COL5A1: variants seen among roughly 807,000 people sequenced by gnomAD.
COL5A1 encodes the protein collagen type V alpha 1 chain, also known as collagen alpha-1(V) chain.
COL5A1 carries 16 observed loss-of-function variants against 263.7 expected under a neutral mutation model. That is an observed-to-expected ratio of 0.06 (90% confidence interval 0.04 to 0.09). The LOEUF is 0.09. COL5A1 is among the 10% of genes least tolerant of loss of function. COL5A1 has a pLI of 1.00. For missense variants in COL5A1, 2,036 were observed against 2,540.5 expected, an observed-to-expected ratio of 0.80 and a Z score of 4.27; for synonymous variants, 1,012 against 1,004.5, an observed-to-expected ratio of 1.01 and a Z score of -0.14.
At chr9:134,770,859 C>T (rs759207296) in intron 25 of COL5A1, among the ~76,000 whole-genome samples, 6 of 152,244 alleles carry the variant, frequency 3.9e-5, no homozygotes, top group Non-Finnish European at 7.3e-5. Context: ...TATCTTGTTA[C>T]GTTTCCTTTC....
At position 134,823,424 on chromosome 9, in the gene COL5A1, T is replaced by C. The variant is rs1279241042; in HGVS notation, c.4653T>C (p.Thr1551=). The C allele has an allele frequency of 6.2e-7, 1 of 1,614,222 alleles. No individual in the cohort carries two copies. Among genetic ancestry groups the C allele is most frequent in the Admixed American group, 1.7e-5 (1 of 60,034 alleles). Residue 1551 remains threonine, a synonymous_variant, in exon 61 of 66, where the codon ACT becomes ACC. Transcript: ENST00000371817. ...PKGAKGSSGP[T]GPKGEAGHPG... is the part of the protein sequence containing the mutation. ...CTTTTCTTTCTCCCCAGGGTCCAAC[T>C]GGCCCGAAGGGTGAGGCAGGCCACC...
At chr9:134,658,495 C>T (rs1017353999) in intron 1 of COL5A1, among the ~76,000 whole-genome samples, 2 of 152,194 alleles carry the variant, frequency 1.3e-5, no homozygotes, top group Admixed American at 6.5e-5. Context: ...TGTCCTTGCA[C>T]GCCCTGGGCC....
Position 134,821,923 on chromosome 9 carries a change from C to T in COL5A1, c.4555-174C>T, listed in dbSNP as rs1394588196. Among the ~76,000 whole-genome samples the T allele has an allele frequency of 6.6e-6, 1 of 152,232 alleles. No individual in the cohort carries two copies. The highest frequency in any genetic ancestry group is 1.5e-5 in the Non-Finnish European group (1 of 68,046). On this transcript the variant is annotated intron_variant, in intron 58 of 65. Coordinates refer to ENST00000371817, the MANE Select transcript of COL5A1 (RefSeq NM_000093.5). This position sits in a 1 kb window ranked among gnomAD's most constrained non-coding sequence, Gnocchi z 4.2. ...GTGGATGCTCAGGTCGATGGCTCCC[C>T]TGACATGCACAGCCCAGGATCAGAA...
At position 134,821,900 on chromosome 9, in the gene COL5A1, G is replaced by A. The variant is rs1839017402; in HGVS notation, c.4555-197G>A. Among the ~76,000 whole-genome samples the A allele has an allele frequency of 6.6e-6, 1 of 152,210 alleles. No homozygotes were observed. Among genetic ancestry groups the A allele is most frequent in the South Asian group, 2.1e-4 (1 of 4,832 alleles). On this transcript the variant is annotated intron_variant, in intron 58 of 65. Coordinates refer to ENST00000371817, the MANE Select transcript of COL5A1 (RefSeq NM_000093.5). The surrounding 1 kb of genome is among the most constrained non-coding windows in gnomAD (Gnocchi z 4.2). ...TGCCGAGGGCTGGCAGCCTTGGGGT[G>A]GATGCTCAGGTCGATGGCTCCCCTG...
chr9:134,658,386 C>T (rs1364686847), intron 1 of COL5A1, among the ~76,000 whole-genome samples: 5 of 151,980 alleles, frequency 3.3e-5, no homozygotes, highest in Non-Finnish European at 7.4e-5. Context: ...TTCTGGCTGC[C>T]CGGGTCTCCA....
intron 13 of COL5A1, among the ~76,000 whole-genome samples, chr9:134,752,005 C>T (rs1220194289): frequency 1.3e-5 from 2 of 152,206 alleles, no homozygotes; most frequent in Admixed American, 6.5e-5. Flanking sequence ...ATTCAGATGG[C>T]ATCTGCCAGG....
At chr9:134,838,246 A>G (rs1475769435) in intron 65 of COL5A1, among the ~76,000 whole-genome samples, 1 of 152,144 alleles carries the variant, frequency 6.6e-6, no homozygotes, top group East Asian at 1.9e-4. Context: ...TGCCAGTAGG[A>G]GCCCCCTACC....
At chr9:134,809,746 A>AT (rs1434915562) in intron 43 of COL5A1, among the ~76,000 whole-genome samples, 2 of 152,190 alleles carry the variant, frequency 1.3e-5, no homozygotes, top group East Asian at 1.9e-4. Flanking sequence ...AGGAGCTTGC[A>AT]TTTTATCCTT....
At position 134,748,014 on chromosome 9, in the gene COL5A1, CACACATGCATTCAT is replaced by C. The variant is rs1234132438; in HGVS notation, c.1495-2518_1495-2505del. ...TCACACACACATACACATGCATTCA[CACACATGCATTCAT>C]ACACATGCAGACACATGCACACATG... On this transcript the variant is annotated intron_variant, in intron 11 of 65. Transcript: ENST00000371817. Among the ~76,000 whole-genome samples, 12 of 150,810 alleles carry C rather than the reference CACACATGCATTCAT, an allele frequency of 8.0e-5. 1 individual carries two copies. The highest frequency in any genetic ancestry group is 4.3e-4 in the South Asian group (2 of 4,704).
At chr9:134,708,247 C>G (rs937480888) in intron 4 of COL5A1, among the ~76,000 whole-genome samples, 3 of 152,092 alleles carry the variant, frequency 2.0e-5, no homozygotes, top group Admixed American at 6.5e-5. Context: ...GCCCCAGGCA[C>G]CCTGCTATGT....
chr9:134,664,752 C>A (rs1832306969), intron 1 of COL5A1, among the ~76,000 whole-genome samples: 1 of 152,188 alleles, frequency 6.6e-6, no homozygotes, highest in African/African-American at 2.4e-5. Context: ...TTGGCAATAT[C>A]TATCCAAGCA....
intron 1 of COL5A1, among the ~76,000 whole-genome samples, chr9:134,660,358 G>C (rs147093522): frequency 6.6e-6 from 1 of 152,156 alleles, no homozygotes; most frequent in Admixed American, 6.5e-5. Flanking sequence ...ACTCACCTAC[G>C]CCTACTGTAT....
At chr9:134,714,680 G>A (rs1230895229) in intron 4 of COL5A1, among the ~76,000 whole-genome samples, 1 of 147,416 alleles carries the variant, frequency 6.8e-6, no homozygotes, top group Admixed American at 6.7e-5. Context: ...GGTGGTGGTG[G>A]TGATGCTGGT....
In COL5A1 at chr9:134,711,596, A is replaced by G. The variant is rs148896248; in HGVS notation, c.654+10263A>G. Among the ~76,000 whole-genome samples, 7 of 152,184 alleles carry G rather than the reference A, an allele frequency of 4.6e-5. No homozygotes were observed. The East Asian group carries it at 1.4e-3, about 29-fold the overall frequency. On this transcript the variant is annotated intron_variant, in intron 4 of 65. Transcript: ENST00000371817. ...ACCCAAGGCTCCGAGATGGAGGTAA[A>G]GCCAGAGAGGTAAAGCCACCTGCCC...
Position 134,763,748 on chromosome 9 carries a change from G to A in COL5A1, c.2034+11G>A. 1 of 1,613,188 alleles carries A rather than the reference G, an allele frequency of 6.2e-7. No individual in the cohort carries two copies. The highest frequency in any genetic ancestry group is 8.5e-7 in the Non-Finnish European group (1 of 1,179,390). On this transcript the variant is annotated intron_variant, in intron 20 of 65. Coordinates refer to ENST00000371817, the MANE Select transcript of COL5A1 (RefSeq NM_000093.5). ...CTGCCTGGGGAGCCCGTAAGTCTGT[G>A]AGCTGAGTGGGACGGTGGGGGCTCA...
rs956931375 is a variant in COL5A1, at chr9:134,686,070, C to T, written c.110-4842C>T. 3.3e-5 allele frequency among the ~76,000 whole-genome samples: 5 copies of T among 152,230 alleles called. No homozygotes were observed. The highest frequency in any genetic ancestry group is 1.2e-4 in the African/African-American group (5 of 41,454). On this transcript the variant is annotated intron_variant, in intron 1 of 65. Transcript: ENST00000371817. The surrounding 1 kb of genome is among the most constrained non-coding windows in gnomAD (Gnocchi z 4.6). ...ATTTATCCACTATCCATCCATTCATCCGTCCATCCTGCATGTCTGTGTTGA... is the reference window on the plus strand; with the variant it reads ...ATTTATCCACTATCCATCCATTCATTCGTCCATCCTGCATGTCTGTGTTGA...
rs553673895 is a variant in COL5A1, at chr9:134,678,940, C to A, written c.110-11972C>A. Among the ~76,000 whole-genome samples the A allele has an allele frequency of 6.6e-6, 1 of 152,240 alleles. No homozygotes were observed. Among genetic ancestry groups the A allele is most frequent in the Admixed American group, 6.5e-5 (1 of 15,306 alleles). On this transcript the variant is annotated intron_variant, in intron 1 of 65. Coordinates refer to ENST00000371817, the MANE Select transcript of COL5A1 (RefSeq NM_000093.5). The surrounding 1 kb of genome is among the most constrained non-coding windows in gnomAD (Gnocchi z 5.5). Reference sequence around the variant, plus strand: ...GTTAGATCTGTGCAGGGTGAGGCTCCGAGGCTTGCTGGGTCAGTCCCATTC... The same window carrying A: ...GTTAGATCTGTGCAGGGTGAGGCTCAGAGGCTTGCTGGGTCAGTCCCATTC...
rs1837825907 is a variant in COL5A1 at position 134,794,526 on chromosome 9, G to T, written c.2701-556G>T. ...ATGCAAAACAACAACAGAAAAAAGA[G>T]TATAAATTCTATTAGAGGAGAAGCC... On this transcript the variant is annotated intron_variant, in intron 32 of 65. Transcript: ENST00000371817. The surrounding 1 kb of genome is among the most constrained non-coding windows in gnomAD (Gnocchi z 4.3). 6.6e-6 allele frequency among the ~76,000 whole-genome samples: 1 copy of T among 152,162 alleles called. No homozygotes were observed. The highest frequency in any genetic ancestry group is 2.4e-5 in the African/African-American group (1 of 41,430).
At position 134,842,379 on chromosome 9, in the gene COL5A1, G is replaced by C; in HGVS notation, c.*76G>C. On this transcript the variant is annotated 3_prime_UTR_variant, in exon 66 of 66. Transcript: ENST00000371817. The surrounding 1 kb of genome is among the most constrained non-coding windows in gnomAD (Gnocchi z 5.8). ...ATTCGTTCGTGAGTGTCCCGTGCACGTCCTGACCCTGGACAGTGAAGGCTT... is the reference window on the plus strand; with the variant it reads ...ATTCGTTCGTGAGTGTCCCGTGCACCTCCTGACCCTGGACAGTGAAGGCTT... 1.3e-6 allele frequency: 2 copies of C among 1,561,154 alleles called. No individual in the cohort carries two copies. The highest frequency in any genetic ancestry group is 1.7e-6 in the Non-Finnish European group (2 of 1,142,998).
Sources: gnomAD v4.1 joint callset for allele counts (sites outside exome capture counted in the v4.1 genomes callset) on GRCh38, gnomAD v4.1.1 for gene constraint, Gnocchi (gnomAD v3.1) non-coding constraint, MANE v1.5 for transcripts, NCBI Gene and HGNC (gene_info 2026-07-23, HGNC 2026-07-21) for gene names.